Variants in CHCHD3 observed in about 807,000 individuals in gnomAD.
CHCHD3 encodes the protein MICOS complex subunit MIC19.
A neutral mutation model predicts 38.2 loss-of-function variants in CHCHD3; 20 were observed. That is an observed-to-expected ratio of 0.52 (90% confidence interval 0.37 to 0.76). The LOEUF is 0.76. CHCHD3 is among the 30% of genes least tolerant of loss of function. The pLI, the probability that CHCHD3 is intolerant of heterozygous loss-of-function variation, is 0.00. For missense variants in CHCHD3, 245 were observed against 279.2 expected (o/e 0.88, Z 0.87); for synonymous variants, 82 against 100.0 (o/e 0.82, Z 1.07).
intron 7 of CHCHD3, among the ~76,000 whole-genome samples, chr7:132,789,248 G>A (rs1461509783): frequency 2.0e-5 from 3 of 152,154 alleles, no homozygotes; most frequent in Non-Finnish European, 4.4e-5. Flanking sequence ...ATAAAAAATT[G>A]CTTCCTTCAT....
chr7:132,817,455 T>A (rs1234521130), intron 6 of CHCHD3, among the ~76,000 whole-genome samples: 1 of 151,654 alleles, frequency 6.6e-6, no homozygotes, highest in South Asian at 2.1e-4. Context: ...CTATTCTCCT[T>A]AGGGACAAAA....
chr7:133,069,190 T>C (rs1023079719), intron 2 of CHCHD3, among the ~76,000 whole-genome samples: 1 of 151,904 alleles, frequency 6.6e-6, no homozygotes, highest in African/African-American at 2.4e-5. Flanking sequence ...TCCTCAACTC[T>C]CCTACTAAAC....
chr7:132,853,402 C>G (rs1366963628), intron 5 of CHCHD3, among the ~76,000 whole-genome samples: 1 of 152,134 alleles, frequency 6.6e-6, no homozygotes, highest in Non-Finnish European at 1.5e-5. Flanking sequence ...GGGCAGATCA[C>G]CTGAGGTCAG....
intron 6 of CHCHD3, among the ~76,000 whole-genome samples, chr7:132,802,263 G>A (rs1434727625): frequency 1.3e-5 from 2 of 152,130 alleles, no homozygotes; most frequent in Non-Finnish European, 2.9e-5. Flanking sequence ...CAGCTGGTAG[G>A]GGTTGGTGTC....
At chr7:133,065,867 T>C (rs1397033847) in intron 2 of CHCHD3, among the ~76,000 whole-genome samples, 1 of 152,198 alleles carries the variant, frequency 6.6e-6, no homozygotes, top group East Asian at 1.9e-4. Flanking sequence ...CATTTCAAAA[T>C]AGCATGCCAA....
chr7:132,814,204 T>C (rs562438296), intron 6 of CHCHD3, among the ~76,000 whole-genome samples: 24 of 152,334 alleles, frequency 1.6e-4, no homozygotes, highest in Admixed American at 1.2e-3. Flanking sequence ...TTTCAGCCTC[T>C]TTTTGTGAGT....
chr7:132,851,967 A>C (rs1808230676), intron 5 of CHCHD3, among the ~76,000 whole-genome samples: 1 of 152,212 alleles, frequency 6.6e-6, no homozygotes, highest in Admixed American at 6.5e-5. Context: ...GCTCAGCTAC[A>C]GGAGGAGCAC....
chr7:133,076,139 C>T (rs917930096), intron 1 of CHCHD3, among the ~76,000 whole-genome samples: 1 of 151,298 alleles, frequency 6.6e-6, no homozygotes, highest in African/African-American at 2.4e-5. Context: ...TTAAGCAAAG[C>T]CTTTTCCTGT....
intron 3 of CHCHD3, among the ~76,000 whole-genome samples, chr7:133,023,386 A>C (rs1268014981): frequency 6.6e-6 from 1 of 152,228 alleles, no homozygotes; most frequent in Non-Finnish European, 1.5e-5. Context: ...CATTTTAAAG[A>C]TGAAATACTT....
intron 2 of CHCHD3, among the ~76,000 whole-genome samples, chr7:133,059,776 A>G (rs182887595): frequency 6.6e-6 from 1 of 152,300 alleles, no homozygotes; most frequent in East Asian, 1.9e-4. Context: ...AACCAACCTA[A>G]GAGAAAGACC....
rs78177679 is a variant in CHCHD3 at position 133,074,224 on chromosome 7, G to T, written c.82-3995C>A. ...CAGGCCAGGCACTAATCAAGGCCCT[G>T]TGATACATCAGTGAACTAAATAGTC... On this transcript the variant is annotated intron_variant, in intron 1 of 7. Transcript: ENST00000262570. Among the ~76,000 whole-genome samples the T allele has an allele frequency of 1.3e-4, 20 of 152,294 alleles. No individual in the cohort carries two copies. The East Asian group carries it at 3.5e-3, about 26-fold the overall frequency.
intron 3 of CHCHD3, among the ~76,000 whole-genome samples, chr7:133,009,341 G>A (rs1562936654): frequency 6.8e-6 from 1 of 146,270 alleles, no homozygotes; most frequent in Non-Finnish European, 1.5e-5. Flanking sequence ...TCCAGCCTGG[G>A]TGACAGTGCG....
intron 5 of CHCHD3, among the ~76,000 whole-genome samples, chr7:132,882,055 G>A (rs868458998): frequency 6.6e-6 from 1 of 152,070 alleles, no homozygotes; most frequent in East Asian, 1.9e-4. Context: ...TATGATTATC[G>A]TTATCTTATA....
intron 6 of CHCHD3, among the ~76,000 whole-genome samples, chr7:132,823,089 A>T (rs1388369996): frequency 6.6e-6 from 1 of 152,250 alleles, no homozygotes; most frequent in African/African-American, 2.4e-5. Flanking sequence ...ACTCATAGAG[A>T]TAAATGTGAA....
At chr7:132,917,877 A>AAAAC (rs1810154373) in intron 4 of CHCHD3, among the ~76,000 whole-genome samples, 2 of 150,718 alleles carry the variant, frequency 1.3e-5, no homozygotes, top group Non-Finnish European at 1.5e-5. Flanking sequence ...AAAAAAAAAA[A>AAAAC]CCTTTCCTAT....
chr7:132,934,257 C>T (rs1384532683), intron 4 of CHCHD3, among the ~76,000 whole-genome samples: 1 of 152,148 alleles, frequency 6.6e-6, no homozygotes, highest in Non-Finnish European at 1.5e-5. Flanking sequence ...GCCAATGCTA[C>T]TGCTCTACAC....
At chr7:132,812,676 G>GC (rs1356020564) in intron 6 of CHCHD3, among the ~76,000 whole-genome samples, 2 of 152,018 alleles carry the variant, frequency 1.3e-5, no homozygotes, top group African/African-American at 4.8e-5. Flanking sequence ...CAACCAGAGT[G>GC]CCCCTTTTAA....
At chr7:132,965,613 G>C (rs1811443748) in intron 4 of CHCHD3, among the ~76,000 whole-genome samples, 1 of 152,166 alleles carries the variant, frequency 6.6e-6, no homozygotes, top group Non-Finnish European at 1.5e-5. Context: ...GTGTTCCTGA[G>C]AGTCAAATAT....
At chr7:132,831,105 C>A (rs1223982801) in intron 6 of CHCHD3, among the ~76,000 whole-genome samples, 1 of 152,130 alleles carries the variant, frequency 6.6e-6, no homozygotes, top group African/African-American at 2.4e-5. Flanking sequence ...ATATCGCATT[C>A]TTTTCTTCTT....
Sources: gnomAD v4.1 joint callset for allele counts (sites outside exome capture counted in the v4.1 genomes callset) on GRCh38, gnomAD v4.1.1 for gene constraint, MANE v1.5 for transcripts, NCBI Gene and HGNC (gene_info 2026-07-23, HGNC 2026-07-21) for gene names.